Variants in PREX2 observed in about 807,000 individuals in gnomAD.
PREX2 encodes the protein phosphatidylinositol-3,4,5-trisphosphate dependent Rac exchange factor 2, also known as phosphatidylinositol 3,4,5-trisphosphate-dependent Rac exchanger 2 protein.
A neutral mutation model predicts 203.2 loss-of-function variants in PREX2; 107 were observed. The ratio of observed to expected loss-of-function variants is 0.53; its 90% confidence interval spans 0.45 to 0.62. The LOEUF is 0.62. Ranked by LOEUF, PREX2 falls within the 20% of genes least tolerant of loss-of-function variation. The pLI is 0.00. For synonymous variants in PREX2, 672 were observed against 663.6 expected (o/e 1.01, Z -0.19); for missense variants, 1,777 against 1,955.9 (o/e 0.91, Z 1.72).
intron 23 of PREX2, chr8:68,105,605 G>T (rs186508027): frequency 1.8e-6 from 2 of 1,081,858 alleles, no homozygotes; most frequent in Non-Finnish European, 1.1e-6. Flanking sequence ...TGGCTTTTAC[G>T]TGCATTATAT....
intron 33 of PREX2, among the ~76,000 whole-genome samples, chr8:68,139,316 C>A (rs6994582): frequency 0.55 from 82,958 of 151,754 alleles, 23,338 homozygotes; most frequent in East Asian, 0.9. Context: ...GGAGTAATGG[C>A]GATATCGGAG....
chr8:68,192,001 C>T (rs1215753033), intron 36 of PREX2, among the ~76,000 whole-genome samples: 1 of 152,116 alleles, frequency 6.6e-6, no homozygotes, highest in African/African-American at 2.4e-5. Context: ...AGTTTTGTTA[C>T]ATAGGTATAC....
chr8:68,058,143 G>C (rs1473583982), intron 10 of PREX2, among the ~76,000 whole-genome samples: 1 of 152,172 alleles, frequency 6.6e-6, no homozygotes, highest in African/African-American at 2.4e-5. Flanking sequence ...CTCATTCCCT[G>C]AGTAGGCCCA....
intron 22 of PREX2, among the ~76,000 whole-genome samples, chr8:68,097,570 C>G (rs1810123348): frequency 6.6e-6 from 1 of 152,258 alleles, no homozygotes; most frequent in South Asian, 2.1e-4. Flanking sequence ...AGTGATCCAG[C>G]TACTTTGGCA....
intron 35 of PREX2, among the ~76,000 whole-genome samples, chr8:68,158,687 C>T (rs1338876298): frequency 2.0e-5 from 3 of 152,062 alleles, no homozygotes; most frequent in Non-Finnish European, 2.9e-5. Flanking sequence ...AAATACATAG[C>T]GCAAAGGGAC....
intron 15 of PREX2, among the ~76,000 whole-genome samples, chr8:68,078,984 G>A (rs1809434192): frequency 6.6e-6 from 1 of 152,088 alleles, no homozygotes; most frequent in African/African-American, 2.4e-5. Flanking sequence ...CAGAAATATT[G>A]TGTGAACTTT....
chr8:68,134,179 A>G lies in PREX2; in HGVS notation c.3887A>G (p.Asn1296Ser), dbSNP rs565733102. The change falls in exon 32 of 40, where the codon AAT becomes AGT. Residue 1296 changes from asparagine to serine, a missense_variant. Transcript: ENST00000288368. ...LNQMFDNSKENEMETWEASRR... is the reference protein window; with the variant it reads ...LNQMFDNSKESEMETWEASRR... ...CAGATGTTTGACAACAGCAAGGAAA[A>G]TGAGATGGAAACTTGGGAAGCCAGC... 8.1e-6 allele frequency: 13 copies of G among 1,614,106 alleles called. No individual in the cohort carries two copies. Among genetic ancestry groups the G allele is most frequent in the Non-Finnish European group, 1.1e-5 (13 of 1,180,006 alleles).
intron 1 of PREX2, among the ~76,000 whole-genome samples, chr8:67,972,518 T>C (rs1805953780): frequency 6.6e-6 from 1 of 152,316 alleles, no homozygotes; most frequent in Non-Finnish European, 1.5e-5. Context: ...GACCCTTTTT[T>C]TAAGAAGCTA....
chr8:68,119,370 G>C (rs1171818854), intron 27 of PREX2, 62 bp from the exon 28 acceptor site: 1 of 964,440 alleles, frequency 1.0e-6, no homozygotes, highest in East Asian at 2.4e-5. Context: ...ACAATATTTT[G>C]GTACGTTAAA....
intron 30 of PREX2, among the ~76,000 whole-genome samples, chr8:68,125,172 C>T (rs1200389140): frequency 6.6e-6 from 1 of 152,098 alleles, no homozygotes; most frequent in Non-Finnish European, 1.5e-5. Context: ...TGTGGAGGCA[C>T]TCTGAGTAAC....
chr8:68,216,745 CAGG>C (rs1189026880), intron 37 of PREX2, among the ~76,000 whole-genome samples: 1 of 152,030 alleles, frequency 6.6e-6, no homozygotes, highest in East Asian at 1.9e-4. Flanking sequence ...ATCACGAGGT[CAGG>C]AGATTGAGAC....
chr8:68,224,714 G>A, intron 39 of PREX2, 88 bp downstream of exon 39: 1 of 959,192 alleles, frequency 1.0e-6, no homozygotes, highest in East Asian at 2.4e-5. Context: ...ACTGATCTAG[G>A]ATGTGCCCCG....
chr8:68,146,439 A>G, intron 34 of PREX2, 87 bp downstream of exon 34: 1 of 1,183,142 alleles, frequency 8.5e-7, no homozygotes, highest in Non-Finnish European at 1.2e-6. Flanking sequence ...AACAGTTGGG[A>G]TTTTTAAATT....
At chr8:68,115,610 T>G in intron 25 of PREX2, 143 bp from the exon 26 acceptor site, 1 of 534,384 alleles carries the variant, frequency 1.9e-6, no homozygotes, top group Non-Finnish European at 3.2e-6. Flanking sequence ...ATGACATGCT[T>G]TTTATGCAAT....
At chr8:68,019,461 T>G (rs1807500025) in intron 2 of PREX2, 88 bp from the exon 3 acceptor site, 1 of 1,074,536 alleles carries the variant, frequency 9.3e-7, no homozygotes, top group East Asian at 2.8e-5. Flanking sequence ...ATGTATGGTT[T>G]TCAGGTTGGA....
intron 19 of PREX2, among the ~76,000 whole-genome samples, chr8:68,089,867 A>G (rs1293286182): frequency 2.0e-5 from 3 of 152,114 alleles, no homozygotes; most frequent in Non-Finnish European, 4.4e-5. Context: ...TATTTTGTTA[A>G]TATTGATTTG....
intron 1 of PREX2, among the ~76,000 whole-genome samples, chr8:67,977,949 C>T (rs577805358): frequency 7.2e-5 from 11 of 152,120 alleles, no homozygotes; most frequent in Non-Finnish European, 1.6e-4. Context: ...AATCGGTAAG[C>T]GTAGGTGTTT....
At chr8:67,956,887 C>A (rs1805506356) in intron 1 of PREX2, among the ~76,000 whole-genome samples, 1 of 152,204 alleles carries the variant, frequency 6.6e-6, no homozygotes, top group Admixed American at 6.5e-5. Context: ...TCTTGGATAC[C>A]TTGGTATTTG....
At chr8:67,975,272 GTTTTTTTTTTTTTTT>G (rs75276095) in intron 1 of PREX2, among the ~76,000 whole-genome samples, 1 of 96,822 alleles carries the variant, frequency 1.0e-5, no homozygotes, top group Non-Finnish European at 2.0e-5. Flanking sequence ...CACACGGCCT[GTTTTTTTTTTTTTTT>G]TTTTTTTTTT....
Sources: allele counts gnomAD v4.1 joint callset (sites outside exome capture counted in the v4.1 genomes callset), GRCh38; gene constraint gnomAD v4.1.1; transcripts MANE v1.5; gene names NCBI Gene and HGNC (gene_info 2026-07-23, HGNC 2026-07-21).